The following LYG1 variants were observed in gnomAD, a reference collection of about 807,000 sequenced individuals.
LYG1 encodes lysozyme g1.
A neutral mutation model predicts 21.7 loss-of-function variants in LYG1; 17 were observed. That is an observed-to-expected ratio of 0.78 (90% CI 0.54 to 1.18). The LOEUF (loss-of-function observed/expected upper bound fraction) is 1.18, where lower values mean the gene tolerates loss of function less well. LYG1 is among the 50% of genes most tolerant of loss of function. The probability of loss-of-function intolerance (pLI) is 0.00; values close to 1 mark genes in which losing one functional copy is unlikely to be tolerated. For synonymous variants in LYG1, 81 were observed against 87.4 expected, an observed-to-expected ratio of 0.93 and a Z score of 0.41; for missense variants, 211 against 238.1, an observed-to-expected ratio of 0.89 and a Z score of 0.75.
In LYG1 at chr2:99,292,580, C is replaced by T; in HGVS notation, c.104G>A (p.Gly35Glu). 1.9e-6 allele frequency: 3 copies of T among 1,614,172 alleles called. No individual in the cohort carries two copies. The highest frequency in any genetic ancestry group is 2.5e-6 in the Non-Finnish European group (3 of 1,180,028). ...ACGTCTTCCAATCCCACAAGATGCTCCAGGGGTGTCCAGGCTTTGGATGTT... is the reference window on the plus strand; with the variant it reads ...ACGTCTTCCAATCCCACAAGATGCTTCAGGGGTGTCCAGGCTTTGGATGTT... ...YGNIQSLDTPGASCGIGRRHG... is the reference protein window; with the variant it reads ...YGNIQSLDTPEASCGIGRRHG... The change falls in exon 4 of 7, where the codon GGA becomes GAA. Residue 35 changes from glycine (G) to glutamate (E), a missense_variant. Physicochemically the swap from Gly to Glu is moderately conservative, Grantham distance 98 (BLOSUM62 -2). Transcript: ENST00000308528.
intron 5 of LYG1, among the ~76,000 whole-genome samples, chr2:99,287,358 C>T (rs1019101686): frequency 6.6e-6 from 1 of 152,112 alleles, no homozygotes; most frequent in African/African-American, 2.4e-5. Flanking sequence ...GGGAACAACA[C>T]GCACTGGGGC....
At chr2:99,302,538 C>T, upstream of LYG1, among the ~76,000 whole-genome samples, 1 of 152,250 alleles carries the variant, frequency 6.6e-6, no homozygotes, top group East Asian at 1.9e-4. Flanking sequence ...ATAGCACCTA[C>T]AGCACTTTGG....
chr2:99,290,081 C>A (rs1030635429), intron 5 of LYG1, among the ~76,000 whole-genome samples: 1 of 152,166 alleles, frequency 6.6e-6, no homozygotes, highest in Non-Finnish European at 1.5e-5. Flanking sequence ...TGGTCTCGCA[C>A]TCCTGACCTC....
At chr2:99,302,824 C>A (rs2094158540), upstream of LYG1, among the ~76,000 whole-genome samples, 2 of 151,944 alleles carry the variant, frequency 1.3e-5, no homozygotes, top group South Asian at 4.2e-4. Context: ...TTCGGACCAG[C>A]CTGGCCAACA....
In LYG1 at chr2:99,301,127, G is replaced by A. The variant is rs2094152581; in HGVS notation, c.-201C>T. ...ATAGAGTCCTGTTCTCTTGTTAAAA[G>A]TGTTCATCTCATCCTATTTTGGAGA... is the stretch of plus-strand genomic sequence containing the variant. On this transcript the variant is annotated 5_prime_UTR_variant, in exon 1 of 7. Transcript: ENST00000308528. 1 of 150,060 alleles carries A rather than the reference G, an allele frequency of 6.7e-6. No individual in the cohort carries two copies. 9.3% of individuals were successfully genotyped at this position (150,060 alleles called of 1,614,324 possible).
intron 5 of LYG1, 96 bp downstream of exon 5, chr2:99,291,141 C>G: frequency 4.2e-6 from 5 of 1,191,020 alleles, no homozygotes; most frequent in Non-Finnish European, 6.0e-6. Flanking sequence ...GACCTTCATT[C>G]ATGCTGTGTT....
chr2:99,304,237 C>T (rs1445030357), upstream of LYG1, among the ~76,000 whole-genome samples: 1 of 152,092 alleles, frequency 6.6e-6, no homozygotes, highest in Non-Finnish European at 1.5e-5. Flanking sequence ...ATCATGGAGG[C>T]AGTTTCCCCC....
At chr2:99,292,089 C>G (rs1408149820) in intron 4 of LYG1, among the ~76,000 whole-genome samples, 2 of 152,172 alleles carry the variant, frequency 1.3e-5, no homozygotes, top group South Asian at 2.1e-4. Context: ...GAGTTCGAGA[C>G]CAGCCTGACC....
chr2:99,289,565 G>A (rs936175590), intron 5 of LYG1, among the ~76,000 whole-genome samples: 4 of 152,144 alleles, frequency 2.6e-5, no homozygotes, highest in African/African-American at 7.2e-5. Context: ...AGGAAGGGAT[G>A]AGCAGACCTT....
chr2:99,285,220 G>A (rs2094095466), intron 5 of LYG1, among the ~76,000 whole-genome samples: 1 of 152,014 alleles, frequency 6.6e-6, no homozygotes, highest in Non-Finnish European at 1.5e-5. Flanking sequence ...AAATTAGCTG[G>A]GCGTGGTGGT....
intron 2 of LYG1, among the ~76,000 whole-genome samples, chr2:99,296,428 C>T (rs966210708): frequency 2.0e-5 from 3 of 152,172 alleles, no homozygotes; most frequent in Non-Finnish European, 2.9e-5. Context: ...AGAATGAACA[C>T]GTGGCCAACA....
At chr2:99,285,270 G>C (rs1021779108) in intron 5 of LYG1, among the ~76,000 whole-genome samples, 3 of 152,078 alleles carry the variant, frequency 2.0e-5, no homozygotes, top group Non-Finnish European at 4.4e-5. Context: ...GCTGAGGTGG[G>C]AGGATCACCT....
chr2:99,287,689 A>C (rs2094104733), intron 5 of LYG1, among the ~76,000 whole-genome samples: 1 of 151,894 alleles, frequency 6.6e-6, no homozygotes, highest in Non-Finnish European at 1.5e-5. Flanking sequence ...TTAACCTAAG[A>C]GTTACTTAGT....
intron 2 of LYG1, 134 bp from the exon 3 acceptor site, chr2:99,295,836 ATC>A: frequency 2.3e-6 from 2 of 862,634 alleles, no homozygotes; most frequent in Admixed American, 5.5e-5. Context: ...AATTATTTGA[ATC>A]ATAGTGAAAA....
At chr2:99,288,343 A>G (rs1485489411) in intron 5 of LYG1, among the ~76,000 whole-genome samples, 3 of 152,014 alleles carry the variant, frequency 2.0e-5, no homozygotes, top group African/African-American at 7.2e-5. Context: ...TTTTACTTCA[A>G]ACTTTTGCAT....
upstream of LYG1, among the ~76,000 whole-genome samples, chr2:99,301,969 G>T (rs1409010201): frequency 6.6e-6 from 1 of 152,196 alleles, no homozygotes. Context: ...GTTGTGGAAA[G>T]GGTGCATTTC....
chr2:99,288,754 A>T (rs1324907527), intron 5 of LYG1, among the ~76,000 whole-genome samples: 2 of 151,976 alleles, frequency 1.3e-5, no homozygotes, highest in African/African-American at 4.8e-5. Context: ...ATTTTTAGTA[A>T]AGACAGGATT....
chr2:99,291,548 G>A, intron 4 of LYG1, 127 bp from the exon 5 acceptor site: 2 of 1,122,858 alleles, frequency 1.8e-6, no homozygotes, highest in East Asian at 2.6e-5. Flanking sequence ...CCCAGATTTT[G>A]GTCTTAAATC....
intron 4 of LYG1, 101 bp from the exon 5 acceptor site, chr2:99,291,522 G>T: frequency 2.3e-6 from 3 of 1,293,092 alleles, no homozygotes; most frequent in African/African-American, 1.5e-5. Flanking sequence ...CTGAGTAATG[G>T]TCGAGGACTG....
Sources: gnomAD v4.1 joint callset for allele counts (sites outside exome capture counted in the v4.1 genomes callset) on GRCh38, gnomAD v4.1.1 for gene constraint, MANE v1.5 for transcripts, NCBI Gene and HGNC (gene_info 2026-07-23, HGNC 2026-07-21) for gene names.